The following ZMIZ1 variants were observed in gnomAD, a reference collection of about 807,000 sequenced individuals.
The protein encoded by ZMIZ1 is zinc finger MIZ domain-containing protein 1.
Under a neutral mutation model 113.9 loss-of-function variants are expected in ZMIZ1, and 17 were observed. The ratio of observed to expected loss-of-function variants is 0.15; its 90% CI spans 0.10 to 0.22. The LOEUF (loss-of-function observed/expected upper bound fraction) is 0.22, where lower values mean the gene tolerates loss of function less well. Ranked by LOEUF, ZMIZ1 falls within the 10% of genes least tolerant of loss-of-function variation. The pLI is 1.00. For synonymous variants in ZMIZ1, 607 were observed against 603.1 expected, an observed-to-expected ratio of 1.01 and a Z score of -0.09; for missense variants, 1,059 against 1,477.8, an observed-to-expected ratio of 0.72 and a Z score of 4.65.
In ZMIZ1 at chr10:79,069,535, G is replaced by A. The variant is rs1208957457; in HGVS notation, c.-337+265G>A. Among the ~76,000 whole-genome samples, 1 of 151,854 alleles carries A rather than the reference G, an allele frequency of 6.6e-6. No homozygotes were observed. The highest frequency in any genetic ancestry group is 2.4e-5 in the African/African-American group (1 of 41,390). ...GGCCGGGTTTGTCAGGGTGTGCGGG[G>A]CGTAAGTGTGGTCGTGCGCGCGCGG... On this transcript the variant is annotated intron_variant, in intron 1 of 24. Coordinates refer to ENST00000334512, the MANE Select transcript of ZMIZ1 (RefSeq NM_020338.4). This position sits in a 1 kb window ranked among gnomAD's most constrained non-coding sequence, Gnocchi z 4.6.
rs186717440 is a variant in ZMIZ1 at position 79,110,007 on chromosome 10, T to C, written c.-336-8908T>C. On this transcript the variant is annotated intron_variant, in intron 1 of 24. Transcript: ENST00000334512. ...AGTGAAGGCTGCAGGGTGGTACCCA[T>C]AGGACTTGTTCCAGCTGTGAGCAAA... is the stretch of plus-strand genomic sequence containing the variant. 8.1e-4 allele frequency among the ~76,000 whole-genome samples: 123 copies of C among 152,336 alleles called. 1 individual carries two copies. The highest frequency in any genetic ancestry group is 2.9e-3 in the African/African-American group (119 of 41,580).
chr10:79,187,985 G>T (rs1209539622), intron 4 of ZMIZ1, among the ~76,000 whole-genome samples: 1 of 152,218 alleles, frequency 6.6e-6, no homozygotes, highest in African/African-American at 2.4e-5. Flanking sequence ...TCTTGGGCAA[G>T]TTCCTTAGTT....
At chr10:79,130,969 T>C (rs1319010180) in intron 2 of ZMIZ1, among the ~76,000 whole-genome samples, 2 of 152,190 alleles carry the variant, frequency 1.3e-5, no homozygotes, top group South Asian at 2.1e-4. Context: ...GTCTTCCTCC[T>C]GCTCTAGCAT....
Position 79,208,468 on chromosome 10 carries a change from C to G in ZMIZ1, c.174+19C>G, listed in dbSNP as rs372254182. The G allele has an allele frequency of 6.2e-7, 1 of 1,601,580 alleles. No individual in the cohort carries two copies. Among genetic ancestry groups the G allele is most frequent in the Admixed American group, 1.7e-5 (1 of 59,742 alleles). On this transcript the variant is annotated intron_variant, in intron 6 of 24. Transcript: ENST00000334512. ...TTTGACGGTGAGTCTGCACCCTGTCCGCCTGCATTCCTGCCCAGGAAGGTC... is the reference window on the plus strand; with the variant it reads ...TTTGACGGTGAGTCTGCACCCTGTCGGCCTGCATTCCTGCCCAGGAAGGTC...
intron 8 of ZMIZ1, chr10:79,285,512 TTC>T: frequency 2.2e-6 from 1 of 456,106 alleles, no homozygotes; most frequent in Non-Finnish European, 4.4e-6. Flanking sequence ...CTCTGTGTCC[TTC>T]TCTCACTTTC....
chr10:79,203,778 C>A (rs1287080238), intron 5 of ZMIZ1, among the ~76,000 whole-genome samples: 2 of 152,364 alleles, frequency 1.3e-5, no homozygotes, highest in Non-Finnish European at 2.9e-5. Flanking sequence ...ACTATGCAGC[C>A]TTAAGTTGCC....
intron 2 of ZMIZ1, among the ~76,000 whole-genome samples, chr10:79,124,787 G>T (rs1276969592): frequency 6.6e-6 from 1 of 152,232 alleles, no homozygotes; most frequent in African/African-American, 2.4e-5. Context: ...CAACTGGGTG[G>T]CATGGGTCAG....
At chr10:79,109,244 C>T (rs977371391) in intron 1 of ZMIZ1, among the ~76,000 whole-genome samples, 1 of 152,198 alleles carries the variant, frequency 6.6e-6, no homozygotes, top group Non-Finnish European at 1.5e-5. Context: ...GTACATGCCT[C>T]TGTGCAAGTG....
intron 9 of ZMIZ1, chr10:79,290,659 C>T: frequency 1.7e-6 from 1 of 596,504 alleles, no homozygotes; most frequent in South Asian, 1.5e-5. Flanking sequence ...AGCCTCTTCT[C>T]CCTTCACTGG....
At chr10:79,263,823 A>G (rs1374874610) in intron 7 of ZMIZ1, among the ~76,000 whole-genome samples, 1 of 151,772 alleles carries the variant, frequency 6.6e-6, no homozygotes, top group African/African-American at 2.4e-5. Context: ...TGATGTGTAG[A>G]CCCCAGGGTC....
At chr10:79,190,671 C>T (rs563705486) in intron 4 of ZMIZ1, among the ~76,000 whole-genome samples, 3 of 152,168 alleles carry the variant, frequency 2.0e-5, no homozygotes, top group Non-Finnish European at 2.9e-5. Context: ...ATTCACACCC[C>T]CTGTGTGGCT....
chr10:79,243,557 C>A (rs1326759081), intron 7 of ZMIZ1: 1 of 146,462 alleles, frequency 6.8e-6, no homozygotes, highest in Non-Finnish European at 1.5e-5. Flanking sequence ...CCCGCCCGGG[C>A]CCCCGCGCCG....
At chr10:79,202,894 C>T (rs1243762446) in intron 5 of ZMIZ1, among the ~76,000 whole-genome samples, 1 of 152,238 alleles carries the variant, frequency 6.6e-6, no homozygotes, top group Non-Finnish European at 1.5e-5. Flanking sequence ...GGTGAGATCT[C>T]AAGCTAGTCC....
chr10:79,124,762 C>T (rs1260711487), intron 2 of ZMIZ1, among the ~76,000 whole-genome samples: 1 of 152,116 alleles, frequency 6.6e-6, no homozygotes, highest in Non-Finnish European at 1.5e-5. Context: ...GTAGGGTCTT[C>T]CTGGGGTCTC....
At chr10:79,131,746 G>C (rs1157881995) in intron 2 of ZMIZ1, among the ~76,000 whole-genome samples, 2 of 152,188 alleles carry the variant, frequency 1.3e-5, no homozygotes, top group Non-Finnish European at 2.9e-5. Context: ...GATAAAGGGA[G>C]ACCCTCTGTG....
At chr10:79,277,140 T>C (rs768805552) in intron 7 of ZMIZ1, 41 bp from the exon 8 acceptor site, 1 of 1,464,480 alleles carries the variant, frequency 6.8e-7, no homozygotes, top group Non-Finnish European at 9.0e-7. Flanking sequence ...TGGCAGAGCA[T>C]GATGAACAAG....
At chr10:79,089,245 A>T (rs957598259) in intron 1 of ZMIZ1, among the ~76,000 whole-genome samples, 1 of 152,322 alleles carries the variant, frequency 6.6e-6, no homozygotes, top group South Asian at 2.1e-4. Flanking sequence ...GAGCCTCCGC[A>T]TGTCAGATCC....
At chr10:79,143,141 C>T (rs377636935) in intron 3 of ZMIZ1, among the ~76,000 whole-genome samples, 39 of 152,266 alleles carry the variant, frequency 2.6e-4, no homozygotes, top group Non-Finnish European at 4.7e-4. Context: ...GGTAGGATCC[C>T]GAGGAACAAG....
chr10:79,156,481 C>G (rs1343916534), intron 3 of ZMIZ1, among the ~76,000 whole-genome samples: 1 of 152,228 alleles, frequency 6.6e-6, no homozygotes, highest in Non-Finnish European at 1.5e-5. Flanking sequence ...CCCAGCAGGT[C>G]AGCCCAGAGC....
Sources: gnomAD v4.1 joint callset for allele counts (sites outside exome capture counted in the v4.1 genomes callset) on GRCh38, gnomAD v4.1.1 for gene constraint, Gnocchi (gnomAD v3.1) non-coding constraint, MANE v1.5 for transcripts, NCBI Gene and HGNC (gene_info 2026-07-23, HGNC 2026-07-21) for gene names.